ACOT6: variants seen among roughly 807,000 people sequenced by gnomAD.
ACOT6 encodes the protein acyl-CoA thioesterase 6.
A neutral mutation model predicts 12.3 loss-of-function variants in ACOT6; 14 were observed. The ratio of observed to expected loss-of-function variants is 1.14; its 90% confidence interval spans 0.75 to 1.78. ACOT6 has a LOEUF of 1.78. ACOT6 is among the 40% of genes most tolerant of loss of function. The pLI is 0.00. For synonymous variants in ACOT6, 218 were observed against 231.3 expected, an observed-to-expected ratio of 0.94 and a Z score of 0.52; for missense variants, 523 against 551.8, an observed-to-expected ratio of 0.95 and a Z score of 0.52.
At chr14:73,612,464 G>C, upstream of ACOT6, 2 of 729,860 alleles carry the variant, frequency 2.7e-6, no homozygotes, top group Non-Finnish European at 3.9e-6. Context: ...ACCAATGGGA[G>C]TAGTGTTAAG....
At chr14:73,617,572 T>C (rs1416651063) in intron 2 of ACOT6, among the ~76,000 whole-genome samples, 3 of 152,160 alleles carry the variant, frequency 2.0e-5, no homozygotes, top group African/African-American at 7.2e-5. Context: ...AGCACAGGAC[T>C]AAAAAAAGTT....
chr14:73,610,965 C>T (rs1366145870), upstream of ACOT6: 6 of 152,204 alleles, frequency 3.9e-5, no homozygotes, highest in Non-Finnish European at 7.3e-5. Flanking sequence ...GATTCCATCA[C>T]CCAGGCAGCA....
chr14:73,612,117 A>G (rs1566869691), upstream of ACOT6, among the ~76,000 whole-genome samples: 1 of 151,584 alleles, frequency 6.6e-6, no homozygotes, highest in East Asian at 1.9e-4. Flanking sequence ...TCTTGGCTCA[A>G]TGCAACCTCT....
upstream of ACOT6, chr14:73,611,442 C>A (rs1049038385): frequency 3.3e-5 from 5 of 152,234 alleles, no homozygotes; most frequent in Non-Finnish European, 7.3e-5. Flanking sequence ...AATCTTGTTT[C>A]ATTGTTTTTG....
At chr14:73,613,663 G>A (rs1202797418) in intron 1 of ACOT6, among the ~76,000 whole-genome samples, 3 of 152,178 alleles carry the variant, frequency 2.0e-5, no homozygotes, top group Non-Finnish European at 4.4e-5. Context: ...ATATCTGAAG[G>A]GAGAGGTGCT....
intron 1 of ACOT6, among the ~76,000 whole-genome samples, chr14:73,616,377 G>T: frequency 6.6e-6 from 1 of 152,064 alleles, no homozygotes; most frequent in Non-Finnish European, 1.5e-5. Flanking sequence ...GAGTGCAGTG[G>T]TGTGACAATA....
At chr14:73,616,684 G>T (rs1890546691) in intron 1 of ACOT6, 1 of 177,568 alleles carries the variant, frequency 5.6e-6, no homozygotes, top group Non-Finnish European at 1.2e-5. Flanking sequence ...GACAGAGTGA[G>T]ACTGTCAAAA....
rs1446983848 is a variant in ACOT6, at chr14:73,613,009, C to G, written c.438C>G (p.Ala146=). 16 of 941,066 alleles carry G rather than the reference C, an allele frequency of 1.7e-5. No individual in the cohort carries two copies. The highest frequency in any genetic ancestry group is 2.4e-5 in the Non-Finnish European group (16 of 678,322). The allele number at this position is 941,066 out of a possible 1,614,324, so 58.3% of individuals were successfully genotyped here. A position where few individuals can be genotyped will look rare whatever the true frequency, so the allele number is the denominator to read the frequency against. ...CGGTGCGCGCGGGCCCGGTGCGCGC[C>G]GCGCTCTTCCTGCCGCCGGATGAGT... ...REPVRAGPVR[A]ALFLPPDEGP... Residue 146 remains alanine (A), a synonymous_variant, in exon 1 of 3, where the codon GCC becomes GCG. Coordinates refer to ENST00000645972, the MANE Select transcript of ACOT6 (RefSeq NM_001365788.1).
chr14:73,614,437 C>G (rs1212542097), intron 1 of ACOT6, among the ~76,000 whole-genome samples: 1 of 151,952 alleles, frequency 6.6e-6, no homozygotes, highest in East Asian at 1.9e-4. Flanking sequence ...ATAGTAGGAG[C>G]TCAATAAATC....
intron 2 of ACOT6, 168 bp downstream of exon 2, chr14:73,617,360 G>T (rs1890557830): frequency 1.1e-6 from 1 of 937,670 alleles, no homozygotes; most frequent in Non-Finnish European, 1.6e-6. Context: ...TGCACCTGTA[G>T]TCCCAGCTAC....
At chr14:73,613,310 A>G (rs1205478903) in intron 1 of ACOT6, among the ~76,000 whole-genome samples, 1 of 151,882 alleles carries the variant, frequency 6.6e-6, no homozygotes, top group African/African-American at 2.4e-5. Context: ...CCCTCCCTGG[A>G]GGCACCACCA....
Position 73,619,457 on chromosome 14 carries a change from C to T in ACOT6, c.884C>T (p.Thr295Ile). 6.2e-7 allele frequency: 1 copy of T among 1,614,222 alleles called. No individual in the cohort carries two copies. Among genetic ancestry groups the T allele is most frequent in the South Asian group, 1.1e-5 (1 of 91,086 alleles). The change falls in exon 3 of 3, where the codon ACT (threonine) becomes ATT (isoleucine). Residue 295 changes from threonine (T) to isoleucine (I), a missense_variant. By Grantham distance (89) the Thr-to-Ile change is moderately conservative. This residue lies in a region of ACOT6 where 219 missense variants were observed against 277.0 expected (regional missense o/e 0.79). Transcript: ENST00000645972. ...TCAGGATTTCTCACTTTTATGGACA[C>T]TTGGAGCAATCCACTGGAGGAACAC... Reference protein sequence around the residue: ...TKSGFLTFMDTWSNPLEEHNH... With the variant: ...TKSGFLTFMDIWSNPLEEHNH...
chr14:73,615,468 C>T (rs1266340911), intron 1 of ACOT6, among the ~76,000 whole-genome samples: 17 of 147,980 alleles, frequency 1.1e-4, no homozygotes, highest in South Asian at 1.1e-3. Flanking sequence ...CAGTGGCTTA[C>T]GCCTGTAATC....
intron 1 of ACOT6, chr14:73,616,753 G>A: frequency 2.8e-6 from 1 of 354,528 alleles, no homozygotes; most frequent in Admixed American, 4.6e-5. Context: ...GGGTTACACG[G>A]ATGAACTGTA....
Position 73,619,364 on chromosome 14 carries a change from C to T in ACOT6, c.791C>T (p.Pro264Leu). ...INACVANTVA[P>L]LHYKDMIIPK... is the part of the protein sequence containing the mutation. Reference sequence around the variant, plus strand: ...GCCTGTGTAGCCAACACAGTAGCTCCTCTACATTACAAGGATATGATTATT... The same window carrying T: ...GCCTGTGTAGCCAACACAGTAGCTCTTCTACATTACAAGGATATGATTATT... The change falls in exon 3 of 3, where the codon CCT (proline) becomes CTT (leucine). Residue 264 changes from proline to leucine, a missense_variant. Transcript: ENST00000645972. The T allele has an allele frequency of 1.2e-6, 2 of 1,614,152 alleles. No homozygotes were observed. Among genetic ancestry groups the T allele is most frequent in the South Asian group, 1.1e-5 (1 of 91,074 alleles).
Position 73,617,225 on chromosome 14 carries a change from G to A in ACOT6, c.660+33G>A, listed in dbSNP as rs778087368. The A allele has an allele frequency of 2.5e-6, 4 of 1,614,116 alleles. No individual in the cohort carries two copies. In the South Asian group the frequency reaches 3.3e-5, roughly 13 times the overall value. On this transcript the variant is annotated intron_variant, in intron 2 of 2. Coordinates refer to ENST00000645972, the MANE Select transcript of ACOT6 (RefSeq NM_001365788.1). ...CTGGTGATCACCTGAGTGCAGAAGAGAGGGGATAGAGCTGATGCAGGGCTG... is the reference window on the plus strand; with the variant it reads ...CTGGTGATCACCTGAGTGCAGAAGAAAGGGGATAGAGCTGATGCAGGGCTG...
In ACOT6 at chr14:73,619,379, A is replaced by T; in HGVS notation, c.806A>T (p.Asp269Val). ...ACAGTAGCTCCTCTACATTACAAGG[A>T]TATGATTATTCCTAAACTTGTCGAT... ...ANTVAPLHYKDMIIPKLVDDL... is the reference protein window; with the variant it reads ...ANTVAPLHYKVMIIPKLVDDL... Residue 269 changes from aspartate to valine, a missense_variant, in exon 3 of 3, where the codon GAT becomes GTT. By Grantham distance (152) the Asp-to-Val change is radical. This residue lies in a region of ACOT6 where 219 missense variants were observed against 277.0 expected (regional missense o/e 0.79). Coordinates refer to ENST00000645972, the MANE Select transcript of ACOT6 (RefSeq NM_001365788.1). 6.2e-7 allele frequency: 1 copy of T among 1,614,182 alleles called. No individual in the cohort carries two copies. The highest frequency in any genetic ancestry group is 1.1e-5 in the South Asian group (1 of 91,080).
upstream of ACOT6, among the ~76,000 whole-genome samples, chr14:73,611,270 G>A (rs2139994002): frequency 6.6e-6 from 1 of 152,188 alleles, no homozygotes; most frequent in African/African-American, 2.4e-5. Flanking sequence ...GTTGGGTTTG[G>A]CCAAAGAGAG....
At chr14:73,613,579 G>T (rs1215429632) in intron 1 of ACOT6, among the ~76,000 whole-genome samples, 4 of 152,020 alleles carry the variant, frequency 2.6e-5, no homozygotes, top group African/African-American at 9.7e-5. Context: ...TGCTGTACGT[G>T]GTTCTCAACC....
Sources: allele counts gnomAD v4.1 joint callset (sites outside exome capture counted in the v4.1 genomes callset), GRCh38; gene constraint gnomAD v4.1.1; regional missense constraint gnomAD v4.1.1; transcripts MANE v1.5; gene names NCBI Gene and HGNC (gene_info 2026-07-23, HGNC 2026-07-21).